The following UBXN7 variants were observed in gnomAD, a reference collection of about 807,000 sequenced individuals.
UBXN7 encodes UBX domain-containing protein 7.
A neutral mutation model predicts 58.0 loss-of-function variants in UBXN7; 9 were observed. The ratio of observed to expected loss-of-function variants is 0.16; its 90% CI spans 0.09 to 0.27. The LOEUF (loss-of-function observed/expected upper bound fraction) is 0.27, where lower values mean the gene tolerates loss of function less well. UBXN7 is among the 10% of genes least tolerant of loss of function. The probability of loss-of-function intolerance (pLI) is 1.00; values close to 1 mark genes in which losing one functional copy is unlikely to be tolerated. For synonymous variants in UBXN7, 208 were observed against 205.0 expected (o/e 1.01, Z -0.12); for missense variants, 328 against 599.6 (o/e 0.55, Z 4.73).
intron 5 of UBXN7, among the ~76,000 whole-genome samples, chr3:196,386,860 A>G (rs1729420971): frequency 6.6e-6 from 1 of 152,210 alleles, no homozygotes; most frequent in Non-Finnish European, 1.5e-5. Flanking sequence ...GGAAAAAACT[A>G]CTTTAAAGTT....
intron 5 of UBXN7, among the ~76,000 whole-genome samples, chr3:196,383,976 AT>A (rs1363311325): frequency 6.6e-6 from 1 of 152,234 alleles, no homozygotes; most frequent in Non-Finnish European, 1.5e-5. Flanking sequence ...AGATAGAGAC[AT>A]AAAAAACCCT....
chr3:196,432,383 C>A lies in UBXN7; in HGVS notation c.17G>T (p.Gly6Val), dbSNP rs759457530. The A allele has an allele frequency of 1.3e-6, 2 of 1,593,746 alleles. No individual in the cohort carries two copies. The highest frequency in any genetic ancestry group is 1.1e-5 in the South Asian group (1 of 90,358). The change falls in exon 1 of 11, where the codon GGC becomes GTC. Residue 6 changes from glycine (G) to valine (V), a missense_variant. Coordinates refer to ENST00000296328, the MANE Select transcript of UBXN7 (RefSeq NM_015562.2). The part of the protein sequence containing the change: MAAHG[G>V]SAASSALKGL... The stretch of plus-strand genomic sequence containing the variant: ...CTTCAGCGCCGAGGACGCCGCGGAG[C>A]CCCCGTGGGCAGCCATCTTACCGCC...
intron 5 of UBXN7, among the ~76,000 whole-genome samples, chr3:196,391,403 C>T (rs188746395): frequency 5.8e-4 from 88 of 152,158 alleles, no homozygotes; most frequent in Non-Finnish European, 1.0e-3. Context: ...TCCCTATACA[C>T]TGACAATGGT....
At chr3:196,387,001 T>C (rs1729426571) in intron 5 of UBXN7, among the ~76,000 whole-genome samples, 1 of 152,084 alleles carries the variant, frequency 6.6e-6, no homozygotes, top group Admixed American at 6.6e-5. Flanking sequence ...ATGGTACTGG[T>C]ACCGAAACAA....
At chr3:196,383,796 A>G (rs1386933411) in intron 5 of UBXN7, among the ~76,000 whole-genome samples, 1 of 152,222 alleles carries the variant, frequency 6.6e-6, no homozygotes. Context: ...ACACACTTAA[A>G]GCAGTGTGTA....
In UBXN7 at chr3:196,351,963, C is replaced by T. The variant is rs1728225853; in HGVS notation, c.*4722G>A. 1 of 152,168 alleles carries T rather than the reference C, an allele frequency of 6.6e-6. No homozygotes were observed. Among genetic ancestry groups the T allele is most frequent in the Admixed American group, 6.5e-5 (1 of 15,286 alleles). The allele number at this position is 152,168 out of a possible 1,614,324, so 9.4% of individuals were successfully genotyped here. A position where few individuals can be genotyped will look rare whatever the true frequency, so the allele number is the denominator to read the frequency against. ...TCCCCGCAAGCTAGGAATCTTTACT[C>T]CAGGGATCAATAATCCTTTCCTACT... On this transcript the variant is annotated 3_prime_UTR_variant, in exon 11 of 11. Transcript: ENST00000296328.
At chr3:196,384,794 C>T (rs555082254) in intron 5 of UBXN7, among the ~76,000 whole-genome samples, 12 of 152,248 alleles carry the variant, frequency 7.9e-5, no homozygotes, top group African/African-American at 2.4e-4. Context: ...ATTGATGGAA[C>T]GTATCTCAAA....
chr3:196,360,354 A>G (rs1476969757), intron 10 of UBXN7, among the ~76,000 whole-genome samples: 2 of 152,222 alleles, frequency 1.3e-5, no homozygotes, highest in Non-Finnish European at 2.9e-5. Flanking sequence ...TCAAAGGTTC[A>G]AAAAGGCTGA....
chr3:196,393,741 C>A, intron 3 of UBXN7, 122 bp from the exon 4 acceptor site: 1 of 864,554 alleles, frequency 1.2e-6, no homozygotes, highest in South Asian at 1.8e-5. Flanking sequence ...AACTGCATGT[C>A]ACCCTTGCAC....
chr3:196,374,277 T>C (rs1317412159), intron 5 of UBXN7, among the ~76,000 whole-genome samples: 1 of 152,162 alleles, frequency 6.6e-6, no homozygotes, highest in Non-Finnish European at 1.5e-5. Flanking sequence ...AGTCACTTTT[T>C]TTTTTCGCTT....
chr3:196,418,202 A>T (rs530749797), intron 1 of UBXN7, among the ~76,000 whole-genome samples: 1 of 152,008 alleles, frequency 6.6e-6, no homozygotes, highest in East Asian at 1.9e-4. Flanking sequence ...ACGCCACTGC[A>T]CTCCAGCCTG....
At chr3:196,391,040 TA>T (rs1254384113) in intron 5 of UBXN7, among the ~76,000 whole-genome samples, 2 of 152,128 alleles carry the variant, frequency 1.3e-5, no homozygotes, top group African/African-American at 4.8e-5. Flanking sequence ...TTAGTCACGA[TA>T]AAACCAAGAA....
intron 1 of UBXN7, among the ~76,000 whole-genome samples, chr3:196,425,524 G>A (rs1035740584): frequency 4.6e-5 from 7 of 152,118 alleles, no homozygotes; most frequent in South Asian, 2.1e-4. Flanking sequence ...CCCAAAGTGC[G>A]GGAATTATAG....
intron 9 of UBXN7, 30 bp from the exon 10 acceptor site, chr3:196,361,953 A>AC (rs759399949): frequency 1.9e-6 from 3 of 1,562,478 alleles, no homozygotes; most frequent in Non-Finnish European, 2.6e-6. Context: ...AAAAAAAAAA[A>AC]ACGGGATACA....
intron 5 of UBXN7, 118 bp from the exon 6 acceptor site, chr3:196,372,160 A>C (rs915631144): frequency 9.0e-5 from 100 of 1,113,116 alleles, no homozygotes; most frequent in Admixed American, 9.5e-5. Context: ...GCCAGATACG[A>C]CATCTAGAGT....
intron 1 of UBXN7, among the ~76,000 whole-genome samples, chr3:196,428,332 T>C (rs1239139984): frequency 6.6e-6 from 1 of 151,756 alleles, no homozygotes; most frequent in African/African-American, 2.4e-5. Flanking sequence ...CACATGCCTG[T>C]AGTCTTAACT....
At chr3:196,395,325 C>A (rs1416562296) in intron 3 of UBXN7, among the ~76,000 whole-genome samples, 2 of 152,142 alleles carry the variant, frequency 1.3e-5, no homozygotes, top group African/African-American at 4.8e-5. Flanking sequence ...TTAAAAACTT[C>A]ATTTTTGTTT....
At chr3:196,367,684 GC>G (rs1358820510) in intron 8 of UBXN7, among the ~76,000 whole-genome samples, 12 of 152,180 alleles carry the variant, frequency 7.9e-5, no homozygotes, top group Admixed American at 1.3e-4. Context: ...TCCCAGAGCT[GC>G]CCCTCAGGAA....
rs192443417 is a variant in UBXN7, at chr3:196,396,463, A to G, written c.290-2844T>C. On this transcript the variant is annotated intron_variant, in intron 3 of 10. Coordinates refer to ENST00000296328, the MANE Select transcript of UBXN7 (RefSeq NM_015562.2). The stretch of plus-strand genomic sequence containing the variant: ...TATCTGAAACTTTTTAACTGTAACA[A>G]TTAAGAAACTGGCTGGAGGCTGGGC... Among the ~76,000 whole-genome samples, 212 of 152,210 alleles carry G rather than the reference A, an allele frequency of 1.4e-3. 3 individuals are homozygous for G. The highest frequency in any genetic ancestry group is 1.2e-4 in the Non-Finnish European group (8 of 68,016).
Sources: allele counts gnomAD v4.1 joint callset (sites outside exome capture counted in the v4.1 genomes callset), GRCh38; gene constraint gnomAD v4.1.1; transcripts MANE v1.5; gene names NCBI Gene and HGNC (gene_info 2026-07-23, HGNC 2026-07-21).